The following PCSK6 variants were observed in gnomAD, a reference collection of about 807,000 sequenced individuals.
PCSK6 encodes paired basic amino acid cleaving enzyme 4.
Under a neutral mutation model 123.3 loss-of-function variants are expected in PCSK6, and 85 were observed. That is an observed-to-expected ratio of 0.69 (90% CI 0.58 to 0.83). The LOEUF (loss-of-function observed/expected upper bound fraction) is 0.83. Among genes scored for constraint, PCSK6 ranks in the 40% least tolerant of loss-of-function variants. The probability of loss-of-function intolerance (pLI) is 0.00; values close to 1 mark genes in which losing one functional copy is unlikely to be tolerated. For missense variants in PCSK6, 1,191 were observed against 1,282.3 expected (o/e 0.93, Z 1.09); for synonymous variants, 508 against 516.0 (o/e 0.98, Z 0.21).
intron 2 of PCSK6, among the ~76,000 whole-genome samples, chr15:101,436,914 C>T (rs966218192): frequency 6.6e-6 from 1 of 152,206 alleles, no homozygotes; most frequent in African/African-American, 2.4e-5. Flanking sequence ...TAATGTGCAA[C>T]GTGGCCCTTC....
chr15:101,387,036 C>T (rs962890107), intron 9 of PCSK6, among the ~76,000 whole-genome samples: 5 of 152,186 alleles, frequency 3.3e-5, no homozygotes, highest in Admixed American at 6.5e-5. Flanking sequence ...ACTCTCCAGG[C>T]TCCAGCCCTG....
intron 7 of PCSK6, among the ~76,000 whole-genome samples, chr15:101,396,614 T>C (rs184215622): frequency 1.3e-5 from 2 of 151,862 alleles, no homozygotes; most frequent in Admixed American, 1.3e-4. Flanking sequence ...AGCTAAGTAA[T>C]GGAAGGGTGA....
intron 2 of PCSK6, 89 bp from the exon 3 acceptor site, chr15:101,432,189 G>A: frequency 1.9e-6 from 2 of 1,038,048 alleles, no homozygotes; most frequent in Non-Finnish European, 2.9e-6. Flanking sequence ...CCTTCCTTGT[G>A]CGTGAATATC....
At chr15:101,323,003 G>C (rs1359587184) in intron 17 of PCSK6, among the ~76,000 whole-genome samples, 1 of 152,234 alleles carries the variant, frequency 6.6e-6, no homozygotes, top group East Asian at 1.9e-4. Flanking sequence ...CTTTCTCAGG[G>C]AAACCTATGT....
At chr15:101,317,450 A>T (rs2040016733) in intron 19 of PCSK6, among the ~76,000 whole-genome samples, 1 of 152,270 alleles carries the variant, frequency 6.6e-6, no homozygotes, top group Non-Finnish European at 1.5e-5. Flanking sequence ...CCTGGGAGAC[A>T]TCTGTGCCAT....
intron 1 of PCSK6, among the ~76,000 whole-genome samples, chr15:101,455,500 A>G (rs1255632881): frequency 6.6e-6 from 1 of 152,246 alleles, no homozygotes; most frequent in East Asian, 1.9e-4. Flanking sequence ...TGAGAGTGTC[A>G]GCCAAACACC....
At chr15:101,470,863 C>T (rs2057586837) in intron 1 of PCSK6, among the ~76,000 whole-genome samples, 1 of 152,190 alleles carries the variant, frequency 6.6e-6, no homozygotes. Context: ...TGGTGCTGCC[C>T]TTCAATTCAA....
At chr15:101,395,671 T>C (rs1181762788) in intron 7 of PCSK6, among the ~76,000 whole-genome samples, 5 of 152,214 alleles carry the variant, frequency 3.3e-5, no homozygotes, top group Non-Finnish European at 7.3e-5. Context: ...ATTTCAACCC[T>C]AGCCATGAAC....
In PCSK6 at chr15:101,431,431, C is replaced by T. The variant is rs1347511017; in HGVS notation, c.546G>A (p.Ser182=). The T allele has an allele frequency of 1.2e-5, 19 of 1,613,770 alleles. No homozygotes were observed. Among genetic ancestry groups the T allele is most frequent in the East Asian group, 2.2e-5 (1 of 44,880 alleles). Residue 182 remains serine (S), a synonymous_variant, in exon 4 of 22, where the codon TCG becomes TCA. Coordinates refer to ENST00000611716, the MANE Select transcript of PCSK6 (RefSeq NM_002570.5). The part of the protein sequence containing the change: ...HCGDKNSRCR[S]EMNVQAAWKR... ...TCCACGCTGCCTGGACATTCATTTC[C>T]GACCGGCAGCGACTGTTCTTGTCGC...
Position 101,393,297 on chromosome 15 carries a change from T to A in PCSK6, c.1124A>T (p.Asn375Ile). The A allele has an allele frequency of 6.2e-7, 1 of 1,612,894 alleles. No individual in the cohort carries two copies. Among genetic ancestry groups the A allele is most frequent in the Admixed American group, 1.7e-5 (1 of 59,768 alleles). The change falls in exon 8 of 22, where the codon AAT (asparagine) becomes ATT (isoleucine). Residue 375 changes from asparagine (N) to isoleucine (I), a missense_variant. Physicochemically the swap from Asn to Ile is moderately radical, Grantham distance 149 (BLOSUM62 -3). This residue lies in a region of PCSK6 where 357 missense variants were observed against 484.5 expected (regional missense o/e 0.74). Coordinates refer to ENST00000611716, the MANE Select transcript of PCSK6 (RefSeq NM_002570.5). ...TTCCAGGTACCAGGGCTTGTAGCCA[T>A]TCTCGGTGGCGCTGCTGACGGAGAT... The part of the protein sequence containing the change: ...YTISVSSATE[N>I]GYKPWYLEEC...
intron 13 of PCSK6, among the ~76,000 whole-genome samples, chr15:101,352,848 A>C (rs2040932898): frequency 6.6e-6 from 1 of 152,258 alleles, no homozygotes; most frequent in Non-Finnish European, 1.5e-5. Context: ...GAGATATCTC[A>C]GTGATACTGA....
chr15:101,470,161 C>T (rs2141233103), intron 1 of PCSK6, among the ~76,000 whole-genome samples: 1 of 152,324 alleles, frequency 6.6e-6, no homozygotes, highest in Non-Finnish European at 1.5e-5. Context: ...CAGAACAAGG[C>T]AGGCGAATTA....
rs553938857 is a variant in PCSK6 at position 101,381,178 on chromosome 15, A to G, written c.1532+914T>C. On this transcript the variant is annotated intron_variant, in intron 11 of 21. Transcript: ENST00000611716. ...AGAGTTTGAGACCAGCCTGGCCAAGATGGTGAAACCCCATCTCTACTAAAA... is the reference window on the plus strand; with the variant it reads ...AGAGTTTGAGACCAGCCTGGCCAAGGTGGTGAAACCCCATCTCTACTAAAA... Among the ~76,000 whole-genome samples, 180 of 152,188 alleles carry G rather than the reference A, an allele frequency of 1.2e-3. 2 individuals carry two copies. Among genetic ancestry groups the G allele is most frequent in the African/African-American group, 4.0e-3 (166 of 41,530 alleles).
At chr15:101,447,762 C>G (rs887935372) in intron 1 of PCSK6, among the ~76,000 whole-genome samples, 2 of 152,270 alleles carry the variant, frequency 1.3e-5, no homozygotes, top group African/African-American at 4.8e-5. Context: ...GCTGTGGCCT[C>G]GGACGGTGTC....
chr15:101,418,071 C>T (rs28664699), intron 6 of PCSK6, among the ~76,000 whole-genome samples: 37,726 of 151,784 alleles, frequency 0.25, 4,938 homozygotes, highest in East Asian at 0.38. Context: ...TTTTAAATTA[C>T]GAGCATATGA....
At chr15:101,445,725 T>C (rs2056871766) in intron 1 of PCSK6, among the ~76,000 whole-genome samples, 2 of 152,214 alleles carry the variant, frequency 1.3e-5, no homozygotes, top group African/African-American at 4.8e-5. Context: ...TACGTAACTT[T>C]TGGTCTTTTA....
chr15:101,341,047 T>C (rs113238744), intron 13 of PCSK6, among the ~76,000 whole-genome samples: 2,232 of 151,298 alleles, frequency 0.015, 54 homozygotes, highest in African/African-American at 0.051. Context: ...GCGATTCTCC[T>C]GCCTCAGCCT....
At position 101,398,646 on chromosome 15, in the gene PCSK6, A is replaced by G. The variant is rs1195410942; in HGVS notation, c.824-70T>C. 6.5e-6 allele frequency: 10 copies of G among 1,534,202 alleles called. No homozygotes were observed. Among genetic ancestry groups the G allele is most frequent in the East Asian group, 2.3e-5 (1 of 44,102 alleles). ...CACACAGCGACGGGAACCCGGGCCCAGGAGGCTCGGATGAGGACACCGCAT... is the reference window on the plus strand; with the variant it reads ...CACACAGCGACGGGAACCCGGGCCCGGGAGGCTCGGATGAGGACACCGCAT... On this transcript the variant is annotated intron_variant, in intron 6 of 21. Coordinates refer to ENST00000611716, the MANE Select transcript of PCSK6 (RefSeq NM_002570.5). The surrounding 1 kb of genome is among the most constrained non-coding windows in gnomAD (Gnocchi z 4.6).
intron 10 of PCSK6, among the ~76,000 whole-genome samples, chr15:101,383,741 C>A (rs184577442): frequency 2.0e-5 from 3 of 152,290 alleles, no homozygotes; most frequent in Admixed American, 2.0e-4. Context: ...GCAAGCTGCC[C>A]TCAGGTGGCA....
Sources: allele counts gnomAD v4.1 joint callset (sites outside exome capture counted in the v4.1 genomes callset), GRCh38; gene constraint gnomAD v4.1.1; regional missense constraint gnomAD v4.1.1; non-coding constraint Gnocchi (gnomAD v3.1); transcripts MANE v1.5; gene names NCBI Gene and HGNC (gene_info 2026-07-23, HGNC 2026-07-21).